Variants in LMO7 observed in about 807,000 individuals in gnomAD.
LMO7 encodes LIM domain 7.
LMO7 carries 120 observed loss-of-function variants against 206.5 expected under a neutral mutation model. The ratio of observed to expected loss-of-function variants is 0.58; its 90% confidence interval spans 0.50 to 0.68. LMO7 has a LOEUF of 0.68. LMO7 is among the 30% of genes least tolerant of loss of function. LMO7 has a pLI of 0.00. For missense variants in LMO7, 1,959 were observed against 1,957.9 expected, an observed-to-expected ratio of 1.00 and a Z score of -0.01; for synonymous variants, 706 against 681.5, an observed-to-expected ratio of 1.04 and a Z score of -0.56.
intron 1 of LMO7, among the ~76,000 whole-genome samples, chr13:75,652,805 G>A (rs2037713010): frequency 6.6e-6 from 1 of 152,072 alleles, no homozygotes; most frequent in Admixed American, 6.5e-5. Context: ...ATTGAATTGA[G>A]AGGGCTTATA....
At chr13:75,734,875 G>A (rs527551292) in intron 3 of LMO7, among the ~76,000 whole-genome samples, 18 of 152,210 alleles carry the variant, frequency 1.2e-4, no homozygotes, top group Middle Eastern at 3.4e-3. Context: ...CAAGGCGGGC[G>A]GATCACAAGG....
chr13:75,828,291 A>G (rs556002107), intron 15 of LMO7, among the ~76,000 whole-genome samples: 2 of 152,336 alleles, frequency 1.3e-5, no homozygotes, highest in African/African-American at 4.8e-5. Context: ...GTTTTTACCA[A>G]TGAAGTACTT....
chr13:75,792,055 A>C (rs2053382178), intron 4 of LMO7, among the ~76,000 whole-genome samples: 1 of 151,994 alleles, frequency 6.6e-6, no homozygotes, highest in African/African-American at 2.4e-5. Context: ...GCAGCCTTGA[A>C]TTCCGGCATT....
At position 75,630,680 on chromosome 13, in the gene LMO7, A is replaced by G. The variant is rs2034802377; in HGVS notation, c.225+7360A>G. On this transcript the variant is annotated intron_variant, in intron 2 of 29. Coordinates refer to the LMO7 transcript ENST00000341547. ...ACCCTGTCTCAAAAAACAAAACAAA[A>G]CAAACAAAAAAGAAATAGCCACTGT... Among the ~76,000 whole-genome samples, 6 of 152,266 alleles carry G rather than the reference A, an allele frequency of 3.9e-5. No individual in the cohort carries two copies. In the South Asian group the frequency reaches 1.2e-3, roughly 32 times the overall value.
At chr13:75,822,239 A>G (rs527556019) in intron 14 of LMO7, among the ~76,000 whole-genome samples, 2 of 152,272 alleles carry the variant, frequency 1.3e-5, no homozygotes, top group South Asian at 2.1e-4. Context: ...TAATGTTCAA[A>G]TTCTTTTTAG....
chr13:75,747,838 A>T (rs537995271), intron 3 of LMO7, among the ~76,000 whole-genome samples: 1 of 152,254 alleles, frequency 6.6e-6, no homozygotes, highest in Non-Finnish European at 1.5e-5. Flanking sequence ...CATATCCTGC[A>T]TGATCCAGGT....
chr13:75,835,260 C>T lies in LMO7; in HGVS notation c.3254C>T (p.Ala1085Val), dbSNP rs772186829. The T allele has an allele frequency of 3.6e-5, 58 of 1,611,602 alleles. No individual in the cohort carries two copies. Among genetic ancestry groups the T allele is most frequent in the Non-Finnish European group, 4.8e-5 (57 of 1,178,662 alleles). ...AGSPETKWID[A>V]TSGIYNSEKS... ...TCACCTGAAACAAAGTGGATTGATGCAACTTCTGGAATTTACAACTCAGAA... is the reference window on the plus strand; with the variant it reads ...TCACCTGAAACAAAGTGGATTGATGTAACTTCTGGAATTTACAACTCAGAA... Residue 1085 changes from alanine (A) to valine (V), a missense_variant, in exon 18 of 31, where the codon GCA (alanine) becomes GTA (valine). Coordinates refer to ENST00000377534, the MANE Select transcript of LMO7 (RefSeq NM_001306080.2).
At chr13:75,718,473 T>G (rs2043742692) in intron 2 of LMO7, among the ~76,000 whole-genome samples, 1 of 152,170 alleles carries the variant, frequency 6.6e-6, no homozygotes, top group South Asian at 2.1e-4. Flanking sequence ...TTGTTTTTGT[T>G]TTGAAGACTT....
chr13:75,724,796 T>G (rs1172547775), intron 2 of LMO7, among the ~76,000 whole-genome samples: 3 of 152,192 alleles, frequency 2.0e-5, no homozygotes, highest in Admixed American at 1.3e-4. Flanking sequence ...GTGTCTTTTC[T>G]CCGTCTTGTA....
rs189652413 is a variant in LMO7 at position 75,855,874 on chromosome 13, T to G, written c.4770+506T>G. 1.3e-3 allele frequency among the ~76,000 whole-genome samples: 197 copies of G among 152,372 alleles called. 3 individuals carry two copies. The highest frequency in any genetic ancestry group is 4.3e-3 in the African/African-American group (180 of 41,596). ...TGTAATTGTTTGGTTTTGTAATCTC[T>G]GTCTCTAAAGACATATCTGTTTGAT... is the stretch of plus-strand genomic sequence containing the variant. On this transcript the variant is annotated intron_variant, in intron 29 of 30. Transcript: ENST00000377534.
intron 9 of LMO7, 101 bp from the exon 10 acceptor site, chr13:75,807,379 C>A: frequency 1.7e-6 from 2 of 1,206,192 alleles, no homozygotes; most frequent in Non-Finnish European, 2.3e-6. Context: ...CAGTAACTGG[C>A]TAGTTGGTCT....
chr13:75,844,554 C>T (rs967298209), intron 25 of LMO7, among the ~76,000 whole-genome samples: 12 of 151,880 alleles, frequency 7.9e-5, no homozygotes, highest in African/African-American at 2.4e-4. Context: ...AGACTACGGG[C>T]GCATGCCACC....
intron 1 of LMO7, among the ~76,000 whole-genome samples, chr13:75,663,269 G>T (rs2038771209): frequency 6.6e-6 from 1 of 151,180 alleles, no homozygotes; most frequent in Admixed American, 6.6e-5. Context: ...CCTGTGTGAG[G>T]ATTTTTTTCT....
intron 4 of LMO7, among the ~76,000 whole-genome samples, chr13:75,772,740 G>T (rs1389120204): frequency 6.6e-6 from 1 of 152,158 alleles, no homozygotes; most frequent in Non-Finnish European, 1.5e-5. Flanking sequence ...TAATAAGGAA[G>T]TTCTGGAGAT....
rs1355938600 is a variant in LMO7 at position 75,664,462 on chromosome 13, A to G, written c.69+27736A>G. 2.6e-5 allele frequency among the ~76,000 whole-genome samples: 4 copies of G among 152,118 alleles called. No homozygotes were observed. In the East Asian group the frequency reaches 5.8e-4, roughly 22 times the overall value. On this transcript the variant is annotated intron_variant, in intron 1 of 30. Transcript: ENST00000377534. ...CTTAGGTTGCTTCCAAATCTTGGCT[A>G]TTGTGAATAGTGCTGTGCTAAATAT...
At chr13:75,670,032 C>T (rs1220261072) in intron 1 of LMO7, among the ~76,000 whole-genome samples, 1 of 152,158 alleles carries the variant, frequency 6.6e-6, no homozygotes, top group Non-Finnish European at 1.5e-5. Context: ...CCAACACTTG[C>T]CTTTTATAGG....
intron 1 of LMO7, among the ~76,000 whole-genome samples, chr13:75,638,483 CTA>C (rs1285480316): frequency 6.6e-6 from 1 of 152,150 alleles, no homozygotes; most frequent in Non-Finnish European, 1.5e-5. Flanking sequence ...TTTGGCACCT[CTA>C]TAATGTATTT....
At chr13:75,847,312 C>T (rs1323135510) in intron 26 of LMO7, among the ~76,000 whole-genome samples, 3 of 152,166 alleles carry the variant, frequency 2.0e-5, no homozygotes, top group Non-Finnish European at 4.4e-5. Context: ...AGAAACTAAT[C>T]GCCAAATCCA....
chr13:75,849,618 T>C (rs1183097543), intron 27 of LMO7, among the ~76,000 whole-genome samples: 1 of 151,978 alleles, frequency 6.6e-6, no homozygotes, highest in Non-Finnish European at 1.5e-5. Context: ...GATGCTTAAA[T>C]AATGCACAGT....
Sources: gnomAD v4.1 joint callset for allele counts (sites outside exome capture counted in the v4.1 genomes callset) on GRCh38, gnomAD v4.1.1 for gene constraint, MANE v1.5 for transcripts, NCBI Gene and HGNC (gene_info 2026-07-23, HGNC 2026-07-21) for gene names.